CYP4X1: variants seen among roughly 807,000 people sequenced by gnomAD.
CYP4X1 encodes cytochrome P450 family 4 subfamily X member 1.
Under a neutral mutation model 57.9 loss-of-function variants are expected in CYP4X1, and 44 were observed. That is an observed-to-expected ratio of 0.76 (90% CI 0.60 to 0.98). The LOEUF is 0.98. CYP4X1 is among the 50% of genes least tolerant of loss of function. The pLI, the probability that CYP4X1 is intolerant of heterozygous loss-of-function variation, is 0.00. For missense variants in CYP4X1, 532 were observed against 623.9 expected (o/e 0.85, Z 1.57); for synonymous variants, 227 against 228.6 (o/e 0.99, Z 0.06).
At chr1:46,994,553 C>G in the CYP4X1 span, 1 of 155,546 alleles carries the variant, frequency 6.4e-6, no homozygotes, top group Non-Finnish European at 1.5e-5. Flanking sequence ...CCTGACTGCC[C>G]CTGACTATCC....
At chr1:47,022,281 G>GCC (rs1185250751), upstream of CYP4X1, among the ~76,000 whole-genome samples, 27 of 128,478 alleles carry the variant, frequency 2.1e-4, no homozygotes, top group African/African-American at 7.2e-4. Flanking sequence ...CCTGGGGCCT[G>GCC]TCTTTTTTTT....
intron 2 of CYP4X1, among the ~76,000 whole-genome samples, chr1:47,030,854 A>G (rs751733111): frequency 2.6e-5 from 4 of 152,004 alleles, no homozygotes; most frequent in Non-Finnish European, 2.9e-5. Context: ...CCCTGCTCTG[A>G]TTTGTGTCAT....
intron 4 of CYP4X1, among the ~76,000 whole-genome samples, chr1:47,034,507 T>C (rs1312346540): frequency 1.3e-5 from 2 of 152,188 alleles, no homozygotes; most frequent in African/African-American, 4.8e-5. Flanking sequence ...AGACAAAGTT[T>C]TCCTCTCACT....
intron 1 of CYP4X1, 31 bp downstream of exon 1, chr1:47,024,025 A>G: frequency 6.3e-7 from 1 of 1,594,714 alleles, no homozygotes; most frequent in Non-Finnish European, 8.5e-7. Context: ...AGGAAGGAGG[A>G]GGGAGGGGCG....
chr1:46,998,976 T>A, the CYP4X1 span, among the ~76,000 whole-genome samples: 3 of 151,810 alleles, frequency 2.0e-5, no homozygotes, highest in Admixed American at 6.6e-5. Context: ...TACTATAGCC[T>A]TGTAGTAGAA....
the CYP4X1 span, among the ~76,000 whole-genome samples, chr1:46,975,020 A>G: frequency 2.1e-3 from 314 of 152,314 alleles, no homozygotes; most frequent in Non-Finnish European, 3.9e-3. Flanking sequence ...ATCATGGAGA[A>G]TGAGGTATTT....
chr1:47,030,104 T>G lies in CYP4X1; in HGVS notation c.292T>G (p.Tyr98Asp). 1 of 1,614,128 alleles carries G rather than the reference T, an allele frequency of 6.2e-7. No individual in the cohort carries two copies. The highest frequency in any genetic ancestry group is 8.5e-7 in the Non-Finnish European group (1 of 1,179,978). ...QAFFCIYDPDYAKTLLSRTDP... is the reference protein window; with the variant it reads ...QAFFCIYDPDDAKTLLSRTDP... ...ATTTTTCTGTATCTATGACCCAGAC[T>G]ATGCAAAGACACTTCTGAGCAGAAC... The change falls in exon 2 of 12, where the codon TAT becomes GAT. Residue 98 changes from tyrosine (Y) to aspartate (D), a missense_variant. Coordinates refer to ENST00000371901, the MANE Select transcript of CYP4X1 (RefSeq NM_178033.2).
intron 8 of CYP4X1, among the ~76,000 whole-genome samples, chr1:47,040,854 G>T (rs12408938): frequency 0.079 from 11,987 of 152,044 alleles, 540 homozygotes; most frequent in East Asian, 0.22. Context: ...CAAATTGTTA[G>T]TAACTCCAAT....
chr1:47,029,001 T>A (rs1005747490), intron 1 of CYP4X1, among the ~76,000 whole-genome samples: 2 of 152,202 alleles, frequency 1.3e-5, no homozygotes, highest in Non-Finnish European at 2.9e-5. Flanking sequence ...CCTTGAACTA[T>A]CCAGAGAACA....
At chr1:46,961,970 T>C in the CYP4X1 span, among the ~76,000 whole-genome samples, 1 of 152,174 alleles carries the variant, frequency 6.6e-6, no homozygotes, top group Non-Finnish European at 1.5e-5. Context: ...CACTTTCTCT[T>C]GCCAGGTTGT....
chr1:47,052,804 A>T (rs932515230), downstream of CYP4X1, among the ~76,000 whole-genome samples: 8 of 143,608 alleles, frequency 5.6e-5, no homozygotes, highest in African/African-American at 2.0e-4. Context: ...TAAATAAATA[A>T]AAAATAAAAT....
chr1:46,978,870 T>G, the CYP4X1 span, among the ~76,000 whole-genome samples: 1 of 152,206 alleles, frequency 6.6e-6, no homozygotes, highest in Non-Finnish European at 1.5e-5. Flanking sequence ...TGTTCCTGAA[T>G]GACTACTGGG....
Position 47,030,115 on chromosome 1 carries a change from A to T in CYP4X1, c.303A>T (p.Thr101=), listed in dbSNP as rs753023775. ...FCIYDPDYAK[T]LLSRTDPKSQ... ...TCTATGACCCAGACTATGCAAAGAC[A>T]CTTCTGAGCAGAACAGGTAAGAAGA... Residue 101 remains threonine, a synonymous_variant, in exon 2 of 12, where the codon ACA becomes ACT. Coordinates refer to ENST00000371901, the MANE Select transcript of CYP4X1 (RefSeq NM_178033.2). The T allele has an allele frequency of 5.0e-6, 8 of 1,613,702 alleles. No individual in the cohort carries two copies. In the South Asian group the frequency reaches 8.8e-5, roughly 18 times the overall value.
the CYP4X1 span, among the ~76,000 whole-genome samples, chr1:47,011,310 G>C: frequency 3.9e-5 from 6 of 152,138 alleles, no homozygotes; most frequent in African/African-American, 7.2e-5. Context: ...AATGGGGAAA[G>C]GATTCCCTAT....
intron 8 of CYP4X1, 164 bp downstream of exon 8, chr1:47,039,696 C>T: frequency 2.3e-6 from 1 of 431,498 alleles, no homozygotes; most frequent in Non-Finnish European, 3.9e-6. Flanking sequence ...CCAAATTATT[C>T]TCTTGTCTTT....
the CYP4X1 span, among the ~76,000 whole-genome samples, chr1:46,968,491 G>C: frequency 1.3e-5 from 2 of 152,164 alleles, no homozygotes; most frequent in Non-Finnish European, 2.9e-5. Flanking sequence ...TACATGTAGA[G>C]ATGGCTGAGA....
the CYP4X1 span, chr1:46,961,822 C>T: frequency 6.4e-6 from 8 of 1,252,404 alleles, no homozygotes; most frequent in Non-Finnish European, 8.3e-6. Context: ...GACCTCTGCC[C>T]TGCCCTACTT....
upstream of CYP4X1, chr1:47,023,646 C>T: frequency 1.4e-6 from 2 of 1,395,270 alleles, no homozygotes; most frequent in Non-Finnish European, 1.9e-6. Context: ...GCCTCCTCTC[C>T]CCAGGCCTGA....
chr1:47,027,236 A>G (rs1487983848), intron 1 of CYP4X1, among the ~76,000 whole-genome samples: 3 of 151,714 alleles, frequency 2.0e-5, no homozygotes, highest in Admixed American at 6.6e-5. Context: ...GATGACGGAC[A>G]TGTCAAACTG....
Sources: allele counts gnomAD v4.1 joint callset (sites outside exome capture counted in the v4.1 genomes callset), GRCh38; gene constraint gnomAD v4.1.1; transcripts MANE v1.5; gene names NCBI Gene and HGNC (gene_info 2026-07-23, HGNC 2026-07-21).